SCEL: variants seen among roughly 807,000 people sequenced by gnomAD.
SCEL encodes the protein sciellin.
SCEL carries 113 observed loss-of-function variants against 117.6 expected under a neutral mutation model. The ratio of observed to expected loss-of-function variants is 0.96; its 90% CI spans 0.83 to 1.12. SCEL has a LOEUF of 1.12. SCEL is among the 50% of genes most tolerant of loss of function. The probability of loss-of-function intolerance (pLI) is 0.00; values close to 1 mark genes in which losing one functional copy is unlikely to be tolerated. For missense variants in SCEL, 785 were observed against 810.8 expected (o/e 0.97, Z 0.39); for synonymous variants, 270 against 256.2 (o/e 1.05, Z -0.51).
chr13:77,617,529 C>G, intron 24 of SCEL, 70 bp from the exon 25 acceptor site: 4 of 874,686 alleles, frequency 4.6e-6, no homozygotes, highest in Non-Finnish European at 7.4e-6. Context: ...TCCTTTCTAT[C>G]CATTTCCAAT....
chr13:77,638,110 T>C (rs1177785759), intron 30 of SCEL, among the ~76,000 whole-genome samples: 2 of 152,232 alleles, frequency 1.3e-5, no homozygotes, highest in African/African-American at 2.4e-5. Context: ...TTTATTTTCA[T>C]ATGTAGTCTC....
chr13:77,535,859 C>T (rs781697570), intron 1 of SCEL, 35 bp downstream of exon 1: 3 of 152,232 alleles, frequency 2.0e-5, no homozygotes, highest in Non-Finnish European at 4.4e-5. Flanking sequence ...AGAAATACAT[C>T]TGCTGTATGT....
At position 77,552,006 on chromosome 13, in the gene SCEL, C is replaced by T. The variant is rs1164860340; in HGVS notation, c.-19-3851C>T. Among the ~76,000 whole-genome samples the T allele has an allele frequency of 2.6e-5, 4 of 151,540 alleles. No individual in the cohort carries two copies. The South Asian group carries it at 8.4e-4, about 32-fold the overall frequency. On this transcript the variant is annotated intron_variant, in intron 1 of 32. Transcript: ENST00000349847. ...GATGATTTCCAATTTCATCCATGTC[C>T]CTACAAAGGACATGAACTCATCATT... is the stretch of plus-strand genomic sequence containing the variant.
At chr13:77,556,890 A>G (rs932707807) in intron 3 of SCEL, among the ~76,000 whole-genome samples, 177 bp downstream of exon 3, 6 of 152,188 alleles carry the variant, frequency 3.9e-5, no homozygotes, top group Non-Finnish European at 8.8e-5. Flanking sequence ...AGTTTCAAGA[A>G]TATTTCTGCC....
At chr13:77,572,324 G>GC (rs2085684858) in intron 9 of SCEL, 135 bp downstream of exon 9, 2 of 666,948 alleles carry the variant, frequency 3.0e-6, no homozygotes, top group Non-Finnish European at 5.0e-6. Context: ...GTACAGGAGA[G>GC]TGTCCAGTGG....
In SCEL at chr13:77,606,771, G is replaced by A. The variant is rs1008854415; in HGVS notation, c.1158-1285G>A. ...TCCAAATATCTGTATCTTTGATGTT[G>A]TATAGACAAAACCTTGGGGCTTTTG... is the stretch of plus-strand genomic sequence containing the variant. On this transcript the variant is annotated intron_variant, in intron 19 of 32. Transcript: ENST00000349847. 8.5e-5 allele frequency among the ~76,000 whole-genome samples: 13 copies of A among 152,262 alleles called. No individual in the cohort carries two copies. The East Asian group carries it at 2.3e-3, about 27-fold the overall frequency.
chr13:77,644,374 A>C lies in SCEL; in HGVS notation c.*100A>C. ...TAATCTAGAAAAGCTTTCACATTGA[A>C]GATCAACTCTTGTACAAAATTAACA... On this transcript the variant is annotated 3_prime_UTR_variant, in exon 33 of 33. Coordinates refer to ENST00000349847, the MANE Select transcript of SCEL (RefSeq NM_144777.3). 8.5e-7 allele frequency: 1 copy of C among 1,179,128 alleles called. No individual in the cohort carries two copies. The highest frequency in any genetic ancestry group is 2.4e-5 in the East Asian group (1 of 41,378). 73.0% of individuals were successfully genotyped at this position (1,179,128 alleles called of 1,614,324 possible).
chr13:77,609,033 A>G (rs1229341682), intron 20 of SCEL, 25 bp from the exon 21 acceptor site: 6 of 1,539,292 alleles, frequency 3.9e-6, no homozygotes, highest in Non-Finnish European at 5.3e-6. Flanking sequence ...TTTATTTATG[A>G]TGTTTTTTGT....
intron 27 of SCEL, among the ~76,000 whole-genome samples, chr13:77,623,952 T>C (rs745769401): frequency 1.1e-4 from 17 of 152,102 alleles, no homozygotes; most frequent in Non-Finnish European, 2.1e-4. Context: ...AAGACAAATA[T>C]TTGTTGTTTC....
intron 27 of SCEL, among the ~76,000 whole-genome samples, chr13:77,618,340 C>G (rs2089215270): frequency 6.6e-6 from 1 of 151,908 alleles, no homozygotes; most frequent in Non-Finnish European, 1.5e-5. Context: ...ACCATCATGC[C>G]CAGCAAATTT....
intron 15 of SCEL, 44 bp downstream of exon 15, chr13:77,599,792 G>A (rs759862656): frequency 2.2e-6 from 3 of 1,379,192 alleles, no homozygotes; most frequent in Non-Finnish European, 3.1e-6. Context: ...AGTCCCAGAT[G>A]GTGTACTATT....
At chr13:77,637,649 A>C (rs1394830246) in intron 30 of SCEL, among the ~76,000 whole-genome samples, 1 of 151,972 alleles carries the variant, frequency 6.6e-6, no homozygotes, top group African/African-American at 2.4e-5. Context: ...GCTGCTGGTG[A>C]TCCCCAGGAG....
rs2087517280 is a variant in SCEL, at chr13:77,599,735, A to T, written c.904A>T (p.Lys302Ter). 2 of 1,609,194 alleles carry T rather than the reference A, an allele frequency of 1.2e-6. No individual in the cohort carries two copies. The highest frequency in any genetic ancestry group is 1.3e-5 in the African/African-American group (1 of 74,820). ...CATCTATATGAGTACCCGGACAGATAAAGATGGCAAAGGGTAAGATTTTAT... is the reference window on the plus strand; with the variant it reads ...CATCTATATGAGTACCCGGACAGATTAAGATGGCAAAGGGTAAGATTTTAT... ...SLIYMSTRTD[K>*]DGKGIQSLGS... Residue 302 changes from lysine to a stop codon, truncating the protein, a stop_gained, in exon 15 of 33, where the codon AAA becomes TAA. Coordinates refer to ENST00000349847, the MANE Select transcript of SCEL (RefSeq NM_144777.3). LOFTEE classifies it high-confidence loss of function.
intron 21 of SCEL, 73 bp downstream of exon 21, chr13:77,609,190 A>G: frequency 8.7e-7 from 1 of 1,143,886 alleles, no homozygotes; most frequent in Non-Finnish European, 1.3e-6. Context: ...GCATCATTTC[A>G]GCTGACTGAT....
intron 7 of SCEL, 74 bp downstream of exon 7, chr13:77,568,407 C>G (rs2085405996): frequency 1.1e-6 from 1 of 881,526 alleles, no homozygotes; most frequent in African/African-American, 1.7e-5. Context: ...CACCTCAGGC[C>G]AATTTTATTG....
intron 9 of SCEL, among the ~76,000 whole-genome samples, chr13:77,577,570 C>T (rs950109180): frequency 3.9e-5 from 6 of 152,156 alleles, no homozygotes; most frequent in South Asian, 4.1e-4. Flanking sequence ...GGTGCGGACA[C>T]AGAGGCAAAC....
Position 77,592,817 on chromosome 13 carries a change from G to A in SCEL, c.693-697G>A, listed in dbSNP as rs546563182. Among the ~76,000 whole-genome samples, 24 of 151,946 alleles carry A rather than the reference G, an allele frequency of 1.6e-4. 1 individual carries two copies. The South Asian group carries it at 4.8e-3, about 30-fold the overall frequency. On this transcript the variant is annotated intron_variant, in intron 11 of 32. Coordinates refer to ENST00000349847, the MANE Select transcript of SCEL (RefSeq NM_144777.3). ...TGGCCTCAAGGGATCCTCCTTCCTT[G>A]GCCTCCCAAAGTTCTGGGATTACAG...
chr13:77,631,464 A>T (rs1176205208), intron 28 of SCEL, among the ~76,000 whole-genome samples: 1 of 152,226 alleles, frequency 6.6e-6, no homozygotes, highest in Non-Finnish European at 1.5e-5. Context: ...TGTAAAAACC[A>T]GTGAGACATG....
intron 5 of SCEL, among the ~76,000 whole-genome samples, chr13:77,564,372 A>AGGT (rs2085167189): frequency 6.6e-6 from 1 of 152,136 alleles, no homozygotes; most frequent in African/African-American, 2.4e-5. Context: ...TCTCTTTAGA[A>AGGT]GGTGAAAATA....
Sources: gnomAD v4.1 joint callset for allele counts (sites outside exome capture counted in the v4.1 genomes callset) on GRCh38, gnomAD v4.1.1 for gene constraint, MANE v1.5 for transcripts, NCBI Gene and HGNC (gene_info 2026-07-23, HGNC 2026-07-21) for gene names.